The following OTUD7A variants were observed in gnomAD, a reference collection of about 807,000 sequenced individuals.
OTUD7A encodes the protein OTU domain-containing protein 7A.
In OTUD7A, 12 loss-of-function variants were observed where a neutral mutation model predicts 65.7. The observed-to-expected ratio is 0.18, with a 90% CI of 0.12 to 0.30. OTUD7A has a LOEUF of 0.30. Among genes scored for constraint, OTUD7A ranks in the 10% least tolerant of loss-of-function variants. The probability of loss-of-function intolerance (pLI) is 1.00; values close to 1 mark genes in which losing one functional copy is unlikely to be tolerated. For synonymous variants in OTUD7A, 641 were observed against 586.3 expected (o/e 1.09, Z -1.35); for missense variants, 1,148 against 1,304.8 (o/e 0.88, Z 1.85).
At position 31,511,069 on chromosome 15, in the gene OTUD7A, A is replaced by G. The variant is rs185274884; in HGVS notation, c.894-7251T>C. On this transcript the variant is annotated intron_variant, in intron 8 of 12. Transcript: ENST00000307050. ...GTATATCTATATGTAACATACATATATATGTATATCTATATGTAACATACA... is the reference window on the plus strand; with the variant it reads ...GTATATCTATATGTAACATACATATGTATGTATATCTATATGTAACATACA... Among the ~76,000 whole-genome samples the G allele has an allele frequency of 9.9e-5, 7 of 70,808 alleles. 1 individual carries two copies. The highest frequency in any genetic ancestry group is 9.1e-4 in the South Asian group (2 of 2,186). 46.5% of individuals were successfully genotyped at this position (70,808 alleles called of 152,430 possible). A position where few individuals can be genotyped will look rare whatever the true frequency, so the allele number is the denominator to read the frequency against.
At chr15:31,758,829 T>A (rs1406278105) in intron 1 of OTUD7A, among the ~76,000 whole-genome samples, 1 of 151,810 alleles carries the variant, frequency 6.6e-6, no homozygotes, top group African/African-American at 2.4e-5. Context: ...CACCCAGTAT[T>A]TACCATACAA....
At chr15:31,496,687 G>A (rs1015623239) in intron 10 of OTUD7A, among the ~76,000 whole-genome samples, 1 of 152,142 alleles carries the variant, frequency 6.6e-6, no homozygotes, top group African/African-American at 2.4e-5. Flanking sequence ...ATTGAAAACT[G>A]GAATGTTACA....
intron 1 of OTUD7A, among the ~76,000 whole-genome samples, chr15:31,733,218 G>A (rs912060470): frequency 6.6e-6 from 1 of 152,182 alleles, no homozygotes; most frequent in African/African-American, 2.4e-5. Flanking sequence ...ACAAAGGGCT[G>A]AGAACAGAGC....
chr15:31,802,113 G>GTATATA (rs1344177487), intron 1 of OTUD7A, among the ~76,000 whole-genome samples: 7 of 125,470 alleles, frequency 5.6e-5, no homozygotes, highest in African/African-American at 2.0e-4. Flanking sequence ...ATGTGTGTGT[G>GTATATA]TGTGTGTGTG....
At chr15:31,517,309 G>A (rs1290152164) in intron 8 of OTUD7A, among the ~76,000 whole-genome samples, 1 of 152,194 alleles carries the variant, frequency 6.6e-6, no homozygotes, top group Non-Finnish European at 1.5e-5. Flanking sequence ...TATCTGGGAC[G>A]AGAGTTTGGA....
At chr15:31,505,609 G>A (rs773702851) in intron 8 of OTUD7A, among the ~76,000 whole-genome samples, 17 of 151,962 alleles carry the variant, frequency 1.1e-4, no homozygotes, top group Non-Finnish European at 2.1e-4. Flanking sequence ...GTAATTTTTC[G>A]AATAGGGTGG....
chr15:31,792,221 CTT>C (rs904222026), intron 1 of OTUD7A, among the ~76,000 whole-genome samples: 13 of 152,214 alleles, frequency 8.5e-5, no homozygotes, highest in African/African-American at 3.1e-4. Flanking sequence ...CATAAAACCT[CTT>C]GTCTGGCTGC....
In OTUD7A at chr15:31,484,444, C is replaced by A. The variant is rs1243160730; in HGVS notation, c.1652G>T (p.Gly551Val). ...CTTGCCATTGGCGGAGTTGGCGCGG[C>A]CCATCTTGCCGTGCACCAGGCCGCC... ...GLGGLVHGKM[G>V]RANSANGKNG... The change falls in exon 13 of 13, where the codon GGC becomes GTC. Residue 551 changes from glycine (G) to valine (V), a missense_variant. Around this residue, in one of 6 missense-constraint regions of OTUD7A, gnomAD observed 842 missense variants for 769.5 expected, o/e 1.09. Coordinates refer to ENST00000307050, the MANE Select transcript of OTUD7A (RefSeq NM_001382637.1). This position sits in a 1 kb window ranked among gnomAD's most constrained non-coding sequence, Gnocchi z 4.5. 7 of 1,603,872 alleles carry A rather than the reference C, an allele frequency of 4.4e-6. No individual in the cohort carries two copies. Among genetic ancestry groups the A allele is most frequent in the Non-Finnish European group, 5.9e-6 (7 of 1,179,906 alleles).
At chr15:31,808,138 A>ACACACACACAC (rs56773953) in intron 1 of OTUD7A, among the ~76,000 whole-genome samples, 7 of 113,536 alleles carry the variant, frequency 6.2e-5, no homozygotes, top group African/African-American at 1.7e-4. Flanking sequence ...CACACACACA[A>ACACACACACAC]ACAAATCCTC....
chr15:31,596,428 A>T (rs1220316254), intron 3 of OTUD7A, among the ~76,000 whole-genome samples: 1 of 152,250 alleles, frequency 6.6e-6, no homozygotes, highest in Non-Finnish European at 1.5e-5. Flanking sequence ...TGTGATTATA[A>T]GTAAAGCTGC....
chr15:31,678,599 G>C (rs1892643846), intron 1 of OTUD7A, among the ~76,000 whole-genome samples: 1 of 152,216 alleles, frequency 6.6e-6, no homozygotes, highest in South Asian at 2.1e-4. Flanking sequence ...TGCTTCAGAG[G>C]GTGCAAGCCC....
intron 1 of OTUD7A, among the ~76,000 whole-genome samples, chr15:31,663,604 G>A (rs1176805183): frequency 2.0e-5 from 3 of 152,074 alleles, no homozygotes; most frequent in Admixed American, 6.5e-5. Context: ...TCCCTGCAAA[G>A]GACATGATCT....
At position 31,617,492 on chromosome 15, in the gene OTUD7A, A is replaced by T. The variant is rs529582600; in HGVS notation, c.151+37604T>A. ...GAGTGAGACTCCATGTCAAAAAAAA[A>T]AGAAAAAAAGATAACTGATAACTCT... On this transcript the variant is annotated intron_variant, in intron 3 of 12. Transcript: ENST00000307050. 7.9e-5 allele frequency among the ~76,000 whole-genome samples: 12 copies of T among 152,288 alleles called. No homozygotes were observed. In the South Asian group the frequency reaches 2.3e-3, roughly 29 times the overall value.
chr15:31,574,306 G>A (rs1480536849), intron 3 of OTUD7A, among the ~76,000 whole-genome samples: 1 of 152,022 alleles, frequency 6.6e-6, no homozygotes, highest in Non-Finnish European at 1.5e-5. Flanking sequence ...CAGAAAAATA[G>A]AAACTATGAC....
intron 1 of OTUD7A, among the ~76,000 whole-genome samples, chr15:31,845,797 G>T (rs1456580217): frequency 2.0e-5 from 3 of 152,270 alleles, no homozygotes; most frequent in Admixed American, 2.0e-4. Context: ...GGGCCTGAGT[G>T]AGCATGGAGC....
chr15:31,678,605 A>G (rs913083004), intron 1 of OTUD7A, among the ~76,000 whole-genome samples: 11 of 152,202 alleles, frequency 7.2e-5, no homozygotes, highest in Non-Finnish European at 1.6e-4. Flanking sequence ...AGAGGGTGCA[A>G]GCCCCAAGCC....
rs1262562556 is a variant in OTUD7A at position 31,483,867 on chromosome 15, CCGCGCCGCA to C, written c.2220_2228del (p.Arg743_Ala745del). 1.2e-5 allele frequency: 12 copies of C among 987,256 alleles called. No homozygotes were observed. The highest frequency in any genetic ancestry group is 1.4e-5 in the Non-Finnish European group (12 of 833,018). The allele number at this position is 987,256 out of a possible 1,614,324, so 61.2% of individuals were successfully genotyped here. A position where few individuals can be genotyped will look rare whatever the true frequency, so the allele number is the denominator to read the frequency against. ...GGGAGGCCGTGCCGCCCGCCGCCGC[CCGCGCCGCA>C]CGCCCTGCCGCGGGCCCGGGGCTCG... On this transcript the variant is annotated inframe_deletion, in exon 13 of 13. Coordinates refer to ENST00000307050, the MANE Select transcript of OTUD7A (RefSeq NM_001382637.1).
Position 31,483,372 on chromosome 15 carries a change from G to A in OTUD7A, c.2724C>T (p.Ala908=), listed in dbSNP as rs750152238. The part of the protein sequence containing the change: ...QRENCAFYGR[A]ETEHYCSYCY... ...AGTAGGAGCAGTAGTGCTCGGTCTC[G>A]GCGCGCCCGTAGAACGCACAGTTCT... The change falls in exon 13 of 13, where the codon GCC becomes GCT. Residue 908 remains alanine, a synonymous_variant. Transcript: ENST00000307050. 2.2e-4 allele frequency: 284 copies of A among 1,302,620 alleles called. 1 individual carries two copies. The highest frequency in any genetic ancestry group is 4.3e-4 in the African/African-American group (27 of 63,398). 80.7% of individuals were successfully genotyped at this position (1,302,620 alleles called of 1,614,324 possible).
chr15:31,570,172 A>G lies in OTUD7A; in HGVS notation c.177T>C (p.Ala59=), dbSNP rs750490673. The change falls in exon 4 of 13, where the codon GCT becomes GCC. Residue 59 remains alanine, a synonymous_variant. Transcript: ENST00000307050. The stretch of plus-strand genomic sequence containing the variant: ...GGCGGAGCTGCTCATAGTCGCTCAG[A>G]GCGGCTGTCAGGTCCCAGTTTTTGC... ...LEGKNWDLTA[A]LSDYEQLRQV... 2.7e-5 allele frequency: 44 copies of G among 1,614,078 alleles called. No individual in the cohort carries two copies. The highest frequency in any genetic ancestry group is 1.7e-5 in the Non-Finnish European group (20 of 1,180,044).
Sources: gnomAD v4.1 joint callset for allele counts (sites outside exome capture counted in the v4.1 genomes callset) on GRCh38, gnomAD v4.1.1 for gene constraint, gnomAD v4.1.1 regional missense constraint, Gnocchi (gnomAD v3.1) non-coding constraint, MANE v1.5 for transcripts, NCBI Gene and HGNC (gene_info 2026-07-23, HGNC 2026-07-21) for gene names.